Variants in SLIT1 observed in about 807,000 individuals in gnomAD.
SLIT1 encodes the protein slit homolog 1 protein.
In SLIT1, 66 loss-of-function variants were observed where a neutral mutation model predicts 186.1. That is an observed-to-expected ratio of 0.35 (90% CI 0.29 to 0.44). The LOEUF (loss-of-function observed/expected upper bound fraction) is 0.44, where lower values mean the gene tolerates loss of function less well. Among genes scored for constraint, SLIT1 ranks in the 20% least tolerant of loss-of-function variants. The probability of loss-of-function intolerance (pLI) is 1.00; values close to 1 mark genes in which losing one functional copy is unlikely to be tolerated. For synonymous variants in SLIT1, 761 were observed against 833.8 expected (o/e 0.91, Z 1.50); for missense variants, 1,638 against 2,037.4 (o/e 0.80, Z 3.77).
intron 1 of SLIT1, among the ~76,000 whole-genome samples, chr10:97,171,796 G>A (rs1449093731): frequency 6.6e-6 from 1 of 151,418 alleles, no homozygotes; most frequent in Non-Finnish European, 1.5e-5. Context: ...TCCAGCCTGG[G>A]TGACAGGGCA....
intron 31 of SLIT1, among the ~76,000 whole-genome samples, chr10:97,007,999 G>A (rs1381070788): frequency 1.3e-5 from 2 of 151,804 alleles, no homozygotes; most frequent in East Asian, 1.9e-4. Flanking sequence ...GAGGGAGGGA[G>A]GGAGAGGGGG....
chr10:97,124,039 A>C, intron 4 of SLIT1, among the ~76,000 whole-genome samples: 1 of 152,298 alleles, frequency 6.6e-6, no homozygotes, highest in African/African-American at 2.4e-5. Flanking sequence ...TCAGGGGATG[A>C]GTGAAAAACA....
rs756416248 is a variant in SLIT1, at chr10:97,037,659, C to T, written c.2366+39G>A. On this transcript the variant is annotated intron_variant, in intron 22 of 36. Coordinates refer to ENST00000266058, the MANE Select transcript of SLIT1 (RefSeq NM_003061.3). ...AAGCCGGAGTCCTGATGGTTAGATG[C>T]CAAAGGCCCTCCTGTCCTCAAGCGG... 2.0e-6 allele frequency: 3 copies of T among 1,538,330 alleles called. No individual in the cohort carries two copies. In the South Asian group the frequency reaches 3.4e-5, roughly 17 times the overall value.
chr10:97,064,614 T>C (rs1426886452), intron 6 of SLIT1, among the ~76,000 whole-genome samples, 191 bp downstream of exon 6: 4 of 152,080 alleles, frequency 2.6e-5, no homozygotes, highest in Non-Finnish European at 4.4e-5. Flanking sequence ...CCTGAGCAGG[T>C]TATACTGGGG....
chr10:97,017,647 G>T (rs12253289), intron 28 of SLIT1, among the ~76,000 whole-genome samples: 9,473 of 152,234 alleles, frequency 0.062, 374 homozygotes, highest in East Asian at 0.17. Context: ...CATGAGATGG[G>T]GGGACCCCAG....
At chr10:97,060,618 A>G (rs1236247180) in intron 9 of SLIT1, 22 bp downstream of exon 9, 3 of 1,611,818 alleles carry the variant, frequency 1.9e-6, no homozygotes, top group Non-Finnish European at 1.7e-6. Flanking sequence ...GTGCCCCAGC[A>G]TCTGCCCTGC....
chr10:97,148,687 T>G (rs960827649), intron 4 of SLIT1, among the ~76,000 whole-genome samples: 7 of 152,250 alleles, frequency 4.6e-5, no homozygotes, highest in Non-Finnish European at 7.3e-5. Context: ...TTTCGCTATT[T>G]TTCAAATGTT....
intron 8 of SLIT1, 40 bp from the exon 9 acceptor site, chr10:97,060,827 T>A: frequency 1.3e-6 from 2 of 1,534,256 alleles, no homozygotes; most frequent in Non-Finnish European, 1.8e-6. Context: ...CTGTCATGCA[T>A]CAGCACCTCC....
chr10:97,034,112 G>A (rs1301536354), intron 23 of SLIT1, among the ~76,000 whole-genome samples: 1 of 152,152 alleles, frequency 6.6e-6, no homozygotes, highest in African/African-American at 2.4e-5. Flanking sequence ...TGATTCACCT[G>A]CCTCTGCCTC....
chr10:97,075,649 C>T (rs1307925592), intron 4 of SLIT1, among the ~76,000 whole-genome samples: 1 of 152,152 alleles, frequency 6.6e-6, no homozygotes, highest in Non-Finnish European at 1.5e-5. Context: ...AGTGGCTGCC[C>T]GGGATTCCAC....
chr10:97,171,874 G>A lies in SLIT1; in HGVS notation c.198-6984C>T, dbSNP rs1212938772. 2.6e-5 allele frequency among the ~76,000 whole-genome samples: 4 copies of A among 151,356 alleles called. No homozygotes were observed. The South Asian group carries it at 8.4e-4, about 32-fold the overall frequency. On this transcript the variant is annotated intron_variant, in intron 1 of 36. Coordinates refer to ENST00000266058, the MANE Select transcript of SLIT1 (RefSeq NM_003061.3). ...TACAAGTTCCCGAGTGGCCTGCTCTGTGTCCACCAACCCAGCCTGCCCCAT... is the reference window on the plus strand; with the variant it reads ...TACAAGTTCCCGAGTGGCCTGCTCTATGTCCACCAACCCAGCCTGCCCCAT...
intron 1 of SLIT1, among the ~76,000 whole-genome samples, chr10:97,168,801 A>G (rs1211713428): frequency 6.6e-6 from 1 of 152,208 alleles, no homozygotes; most frequent in Non-Finnish European, 1.5e-5. Flanking sequence ...ATTCCTTTTC[A>G]TGGCAACTAA....
Position 97,010,960 on chromosome 10 carries a change from G to A in SLIT1, c.3341+33C>T. ...CAGCCCAGGGGCTGACAGCCACAAG[G>A]AGTCACTCCTAGTGTGTCCAGGGGC... On this transcript the variant is annotated intron_variant, in intron 31 of 36. Transcript: ENST00000266058. This position sits in a 1 kb window ranked among gnomAD's most constrained non-coding sequence, Gnocchi z 4.8. 1.9e-6 allele frequency: 3 copies of A among 1,604,620 alleles called. No homozygotes were observed. Among genetic ancestry groups the A allele is most frequent in the Non-Finnish European group, 2.6e-6 (3 of 1,174,450 alleles).
intron 1 of SLIT1, among the ~76,000 whole-genome samples, chr10:97,166,749 C>T (rs1407340383): frequency 1.3e-5 from 2 of 152,126 alleles, no homozygotes; most frequent in Non-Finnish European, 2.9e-5. Flanking sequence ...AGATCAGCAA[C>T]ACATAGATTC....
At chr10:97,123,775 G>A (rs1267292652) in intron 4 of SLIT1, among the ~76,000 whole-genome samples, 1 of 141,322 alleles carries the variant, frequency 7.1e-6, no homozygotes, top group Non-Finnish European at 1.5e-5. Flanking sequence ...AGGCGACAGG[G>A]TGAGACTCTG....
At chr10:97,038,838 C>T (rs1158518147) in intron 21 of SLIT1, among the ~76,000 whole-genome samples, 1 of 152,160 alleles carries the variant, frequency 6.6e-6, no homozygotes, top group Non-Finnish European at 1.5e-5. Flanking sequence ...GTCCACATAC[C>T]CAAGTAGTCC....
intron 25 of SLIT1, among the ~76,000 whole-genome samples, chr10:97,026,251 G>A (rs1327693867): frequency 1.3e-5 from 2 of 152,050 alleles, no homozygotes; most frequent in African/African-American, 4.8e-5. Context: ...ATCACCTGAG[G>A]TCAGGAGTTT....
intron 18 of SLIT1, among the ~76,000 whole-genome samples, chr10:97,044,668 C>G (rs770088786): frequency 2.6e-5 from 4 of 152,098 alleles, no homozygotes; most frequent in Admixed American, 6.5e-5. Flanking sequence ...TGACTGGGCA[C>G]TTCCACACAC....
intron 1 of SLIT1, among the ~76,000 whole-genome samples, chr10:97,172,488 T>C (rs957486904): frequency 6.6e-6 from 1 of 152,234 alleles, no homozygotes; most frequent in Admixed American, 6.5e-5. Context: ...ACATGATAGA[T>C]GTTTCAGTAA....
Sources: allele counts gnomAD v4.1 joint callset (sites outside exome capture counted in the v4.1 genomes callset), GRCh38; gene constraint gnomAD v4.1.1; non-coding constraint Gnocchi (gnomAD v3.1); transcripts MANE v1.5; gene names NCBI Gene and HGNC (gene_info 2026-07-23, HGNC 2026-07-21).